FGF17: variants seen among roughly 807,000 people sequenced by gnomAD.
The protein encoded by FGF17 is fibroblast growth factor 17.
Under a neutral mutation model 23.5 loss-of-function variants are expected in FGF17, and 5 were observed. The ratio of observed to expected loss-of-function variants is 0.21; its 90% CI spans 0.11 to 0.45. The LOEUF (loss-of-function observed/expected upper bound fraction) is 0.45, where lower values mean the gene tolerates loss of function less well. Ranked by LOEUF, FGF17 falls within the 20% of genes least tolerant of loss-of-function variation. FGF17 has a pLI of 0.99. For synonymous variants in FGF17, 136 were observed against 123.0 expected, an observed-to-expected ratio of 1.11 and a Z score of -0.70; for missense variants, 221 against 306.9, an observed-to-expected ratio of 0.72 and a Z score of 2.09.
chr8:22,043,122 G>T (rs763759228), intron 1 of FGF17, 23 bp from the exon 2 acceptor site: 1 of 1,613,480 alleles, frequency 6.2e-7, no homozygotes, highest in Non-Finnish European at 8.5e-7. Flanking sequence ...CCACACCTGG[G>T]CTTACCTCCT....
In FGF17 at chr8:22,048,345, A is replaced by G. The variant is rs1801008440; in HGVS notation, c.*96A>G. ...GCTGGGGTGGCGGGAGGGGAGCCAG[A>G]TCCCCGAGGGAGGACCCTGAGGGCC... On this transcript the variant is annotated 3_prime_UTR_variant, in exon 5 of 5. Coordinates refer to ENST00000359441, the MANE Select transcript of FGF17 (RefSeq NM_003867.4). This position sits in a 1 kb window ranked among gnomAD's most constrained non-coding sequence, Gnocchi z 6.9. The G allele has an allele frequency of 8.9e-7, 1 of 1,125,594 alleles. No individual in the cohort carries two copies. The highest frequency in any genetic ancestry group is 2.7e-5 in the Admixed American group (1 of 36,984). The allele number at this position is 1,125,594 out of a possible 1,614,324, so 69.7% of individuals were successfully genotyped here. A position where few individuals can be genotyped will look rare whatever the true frequency, so the allele number is the denominator to read the frequency against.
intron 2 of FGF17, chr8:22,045,731 C>A: frequency 8.8e-7 from 1 of 1,132,484 alleles, no homozygotes; most frequent in South Asian, 2.2e-5. Context: ...ATGACAGGCT[C>A]TGGTCTAAGA....
chr8:22,045,993 C>T (rs1382950283), intron 2 of FGF17, 121 bp from the exon 3 acceptor site: 2 of 1,583,968 alleles, frequency 1.3e-6, no homozygotes, highest in South Asian at 1.1e-5. Context: ...GCCCACTTCA[C>T]TCTGCAGGAC....
In FGF17 at chr8:22,048,526, C is replaced by G; in HGVS notation, c.*277C>G. ...AGCCTCTGCCGGCCTCCCAGCCGGG[C>G]TCCTGAAGCCCGCTGAAAGGTCAGC... On this transcript the variant is annotated 3_prime_UTR_variant, in exon 5 of 5. Coordinates refer to ENST00000359441, the MANE Select transcript of FGF17 (RefSeq NM_003867.4). This position sits in a 1 kb window ranked among gnomAD's most constrained non-coding sequence, Gnocchi z 6.9. 2.1e-6 allele frequency: 1 copy of G among 485,464 alleles called. No individual in the cohort carries two copies. Among genetic ancestry groups the G allele is most frequent in the Non-Finnish European group, 3.7e-6 (1 of 273,294 alleles). 30.1% of individuals were successfully genotyped at this position (485,464 alleles called of 1,614,324 possible).
At chr8:22,046,984 A>C (rs1274540297) in intron 4 of FGF17, among the ~76,000 whole-genome samples, 2 of 123,678 alleles carry the variant, frequency 1.6e-5, no homozygotes, top group African/African-American at 6.3e-5. Context: ...ATAGGGCCTC[A>C]CTATGTTGCC....
upstream of FGF17, among the ~76,000 whole-genome samples, chr8:22,039,895 G>A (rs1800713369): frequency 6.6e-6 from 1 of 151,924 alleles, no homozygotes; most frequent in African/African-American, 2.4e-5. Flanking sequence ...GGTGGGCTCT[G>A]TGTTTGCACC....
chr8:22,044,692 G>C (rs1009245426), intron 2 of FGF17: 1 of 985,602 alleles, frequency 1.0e-6, no homozygotes, highest in Non-Finnish European at 1.2e-6. Context: ...GCGAGGGGCA[G>C]GTCTTGCAGA....
rs1356495490 is a variant in FGF17 at position 22,046,218 on chromosome 8, C to T, written c.177C>T (p.Ser59=). ...AGATCCGCGAGTACCAACTCTACAG[C>T]AGGACCAGTGGCAAGCACGTGCAGG... ...RRQIREYQLY[S]RTSGKHVQVT... The change falls in exon 3 of 5, where the codon AGC becomes AGT. Residue 59 remains serine, a synonymous_variant. Transcript: ENST00000359441. The T allele has an allele frequency of 1.2e-6, 2 of 1,614,002 alleles. No homozygotes were observed. The highest frequency in any genetic ancestry group is 1.7e-6 in the Non-Finnish European group (2 of 1,180,060).
rs1184960228 is a variant in FGF17 at position 22,043,136 on chromosome 8, C to G, written c.36-9C>G. On this transcript the variant is annotated splice_polypyrimidine_tract_variant and intron_variant, in intron 1 of 4. Coordinates refer to ENST00000359441, the MANE Select transcript of FGF17 (RefSeq NM_003867.4). ...CCCACACCTGGGCTTACCTCCTCTC[C>G]CCACACAGGTGCTTACAGCTGCTGA... is the stretch of plus-strand genomic sequence containing the variant. The G allele has an allele frequency of 1.9e-6, 3 of 1,613,752 alleles. No individual in the cohort carries two copies. The highest frequency in any genetic ancestry group is 1.1e-5 in the South Asian group (1 of 91,042).
chr8:22,043,410 C>T (rs935220308), intron 2 of FGF17, among the ~76,000 whole-genome samples: 3 of 152,162 alleles, frequency 2.0e-5, no homozygotes, highest in East Asian at 1.9e-4. Context: ...CCCACTTCCC[C>T]TGGGTCTCTG....
Position 22,042,913 on chromosome 8 carries a change from A to G in FGF17, c.-16A>G. On this transcript the variant is annotated 5_prime_UTR_variant, in exon 1 of 5. Transcript: ENST00000359441. ...TTGGGGGCAGGGGGGCAACCGCCTG[A>G]GGAACCTCTCCAGCGATGGGAGCCG... 6.2e-7 allele frequency: 1 copy of G among 1,613,418 alleles called. No individual in the cohort carries two copies. The highest frequency in any genetic ancestry group is 8.5e-7 in the Non-Finnish European group (1 of 1,179,760).
rs1268350259 is a variant in FGF17 at position 22,046,552 on chromosome 8, G to A, written c.276G>A (p.Thr92=). ...CCAAGCTCATAGTGGAGACGGACAC[G>A]TTTGGCAGCCGGGTTCGCATCAAAG... ...KFAKLIVETD[T]FGSRVRIKGA... The change falls in exon 4 of 5, where the codon ACG becomes ACA. Residue 92 remains threonine, a synonymous_variant. Transcript: ENST00000359441. The A allele has an allele frequency of 9.3e-6, 15 of 1,613,740 alleles. No individual in the cohort carries two copies. The highest frequency in any genetic ancestry group is 1.3e-5 in the African/African-American group (1 of 74,912).
chr8:22,048,321 C>G lies in FGF17; in HGVS notation c.*72C>G. 1 of 1,315,512 alleles carries G rather than the reference C, an allele frequency of 7.6e-7. No homozygotes were observed. The highest frequency in any genetic ancestry group is 1.5e-5 in the South Asian group (1 of 68,746). The allele number at this position is 1,315,512 out of a possible 1,614,324, so 81.5% of individuals were successfully genotyped here. Reference sequence around the variant, plus strand: ...TTCCCTTCTTAATCCAAGGACTGGGCTGGGGTGGCGGGAGGGGAGCCAGAT... The same window carrying G: ...TTCCCTTCTTAATCCAAGGACTGGGGTGGGGTGGCGGGAGGGGAGCCAGAT... On this transcript the variant is annotated 3_prime_UTR_variant, in exon 5 of 5. Coordinates refer to ENST00000359441, the MANE Select transcript of FGF17 (RefSeq NM_003867.4). The surrounding 1 kb of genome is among the most constrained non-coding windows in gnomAD (Gnocchi z 6.9).
At chr8:22,046,420 A>C (rs1356350786) in intron 3 of FGF17, 107 bp from the exon 4 acceptor site, 4 of 1,416,724 alleles carry the variant, frequency 2.8e-6, no homozygotes, top group Non-Finnish European at 3.9e-6. Flanking sequence ...AGTGTCCCCA[A>C]CCCCTTCGCC....
chr8:22,042,816 A>C (rs1800761094), upstream of FGF17: 3 of 1,087,648 alleles, frequency 2.8e-6, no homozygotes, highest in Non-Finnish European at 4.1e-6. Flanking sequence ...CCCCCTGAAA[A>C]CCTGTGGCTC....
chr8:22,042,537 T>G (rs1012790963), upstream of FGF17: 4 of 327,524 alleles, frequency 1.2e-5, no homozygotes, highest in Non-Finnish European at 2.3e-5. Context: ...GCGTCGAGTT[T>G]GGCCAGTCTG....
chr8:22,048,028 G>T lies in FGF17; in HGVS notation c.430G>T (p.Ala144Ser). Reference sequence around the variant, plus strand: ...GAACAACTATACGGCCTTCCAGAACGCCCGGCACGAGGGCTGGTTCATGGC... The same window carrying T: ...GAACAACTATACGGCCTTCCAGAACTCCCGGCACGAGGGCTGGTTCATGGC... Reference protein sequence around the residue: ...LENNYTAFQNARHEGWFMAFT... With the variant: ...LENNYTAFQNSRHEGWFMAFT... The change falls in exon 5 of 5, where the codon GCC (alanine) becomes TCC (serine). Residue 144 changes from alanine to serine, a missense_variant. This residue lies in a region of FGF17 where 128 missense variants were observed against 150.4 expected (regional missense o/e 0.85). Transcript: ENST00000359441. The surrounding 1 kb of genome is among the most constrained non-coding windows in gnomAD (Gnocchi z 6.9). 1.2e-6 allele frequency: 2 copies of T among 1,613,180 alleles called. No individual in the cohort carries two copies. The highest frequency in any genetic ancestry group is 8.5e-7 in the Non-Finnish European group (1 of 1,179,538).
chr8:22,039,871 G>C (rs964621486), upstream of FGF17, among the ~76,000 whole-genome samples: 9 of 152,062 alleles, frequency 5.9e-5, no homozygotes, highest in African/African-American at 2.2e-4. Context: ...GTGGTGGCAA[G>C]TGGCTGACCT....
intron 2 of FGF17, chr8:22,044,821 T>A: frequency 2.0e-6 from 2 of 985,536 alleles, no homozygotes; most frequent in South Asian, 9.4e-5. Flanking sequence ...TCACTCCCCC[T>A]GCCTCAAAGG....
Sources: gnomAD v4.1 joint callset for allele counts (sites outside exome capture counted in the v4.1 genomes callset) on GRCh38, gnomAD v4.1.1 for gene constraint, gnomAD v4.1.1 regional missense constraint, Gnocchi (gnomAD v3.1) non-coding constraint, MANE v1.5 for transcripts, NCBI Gene and HGNC (gene_info 2026-07-23, HGNC 2026-07-21) for gene names.